RGS9: variants seen among roughly 807,000 people sequenced by gnomAD.
RGS9 encodes the protein regulator of G protein signaling 9.
In RGS9, 78 loss-of-function variants were observed where a neutral mutation model predicts 102.0. The ratio of observed to expected loss-of-function variants is 0.76; its 90% CI spans 0.64 to 0.92. The LOEUF (loss-of-function observed/expected upper bound fraction) is 0.92. Ranked by LOEUF, RGS9 falls within the 40% of genes least tolerant of loss-of-function variation. The pLI is 0.00. For synonymous variants in RGS9, 353 were observed against 318.6 expected, an observed-to-expected ratio of 1.11 and a Z score of -1.15; for missense variants, 833 against 866.1, an observed-to-expected ratio of 0.96 and a Z score of 0.48.
intron 5 of RGS9, 80 bp from the exon 6 acceptor site, chr17:65,160,771 A>G (rs1910952785): frequency 6.7e-7 from 1 of 1,493,468 alleles, no homozygotes; most frequent in African/African-American, 1.4e-5. Context: ...GACTCTGAGC[A>G]CAGCAGCCTC....
At position 65,177,660 on chromosome 17, in the gene RGS9, C is replaced by T. The variant is rs565296562; in HGVS notation, c.583-72C>T. On this transcript the variant is annotated intron_variant, in intron 8 of 18. Transcript: ENST00000262406. ...CTCAATCTCACAATTGGCAGATTAA[C>T]CAAGACCCACAGTTAACCAGAAACT... 3.8e-4 allele frequency: 539 copies of T among 1,436,056 alleles called. 2 individuals are homozygous for T. The African/African-American group carries it at 6.9e-3, about 18-fold the overall frequency. The allele number at this position is 1,436,056 out of a possible 1,614,324, so 89.0% of individuals were successfully genotyped here. A position where few individuals can be genotyped will look rare whatever the true frequency, so the allele number is the denominator to read the frequency against.
chr17:65,169,628 G>A (rs574490024), intron 8 of RGS9, among the ~76,000 whole-genome samples: 9 of 152,280 alleles, frequency 5.9e-5, no homozygotes, highest in African/African-American at 2.2e-4. Context: ...CTCACTGTGC[G>A]AATGCCTATG....
intron 1 of RGS9, among the ~76,000 whole-genome samples, chr17:65,142,713 G>C (rs117161765): frequency 0.037 from 5,609 of 151,816 alleles, 145 homozygotes; most frequent in Non-Finnish European, 0.058. Context: ...CTCCCAAGTA[G>C]CTGGGGATAC....
chr17:65,186,419 G>A (rs1360186950), intron 9 of RGS9, among the ~76,000 whole-genome samples: 1 of 151,948 alleles, frequency 6.6e-6, no homozygotes, highest in African/African-American at 2.4e-5. Flanking sequence ...GTCTCACCAT[G>A]TTGGCCAGGC....
At chr17:65,183,101 T>TATCTATCTATCTATC (rs1479268031) in intron 9 of RGS9, among the ~76,000 whole-genome samples, 2 of 149,198 alleles carry the variant, frequency 1.3e-5, no homozygotes, top group African/African-American at 5.1e-5. Flanking sequence ...TCTATCTATC[T>TATCTATCTATCTATC]ATCTATCTAC....
At chr17:65,161,620 G>A (rs1910985803) in intron 6 of RGS9, among the ~76,000 whole-genome samples, 1 of 152,084 alleles carries the variant, frequency 6.6e-6, no homozygotes, top group South Asian at 2.1e-4. Context: ...GGTGAGTCCA[G>A]TTTCCCAAAG....
chr17:65,141,214 T>TG (rs1265909210), intron 1 of RGS9, among the ~76,000 whole-genome samples: 2 of 152,220 alleles, frequency 1.3e-5, no homozygotes, highest in African/African-American at 4.8e-5. Context: ...ATGGCTTTGC[T>TG]GGGGAATTAG....
chr17:65,182,125 A>G (rs1911908034), intron 9 of RGS9, among the ~76,000 whole-genome samples: 1 of 152,212 alleles, frequency 6.6e-6, no homozygotes, highest in Non-Finnish European at 1.5e-5. Context: ...ACTGGCGAGT[A>G]TACAGATCTT....
intron 8 of RGS9, among the ~76,000 whole-genome samples, chr17:65,169,771 A>T (rs1911340842): frequency 6.6e-6 from 1 of 152,120 alleles, no homozygotes. Context: ...GGCTCTTCAC[A>T]GGATGATGCT....
intron 9 of RGS9, among the ~76,000 whole-genome samples, chr17:65,186,376 C>A (rs186220996): frequency 2.0e-5 from 3 of 151,700 alleles, no homozygotes; most frequent in Non-Finnish European, 4.4e-5. Flanking sequence ...TCACCATGCC[C>A]GGCTAATTTT....
At position 65,137,579 on chromosome 17, in the gene RGS9, G is replaced by A. The variant is rs764992153; in HGVS notation, c.39G>A (p.Arg13=). 1.2e-6 allele frequency: 2 copies of A among 1,613,336 alleles called. No individual in the cohort carries two copies. The highest frequency in any genetic ancestry group is 4.5e-5 in the East Asian group (2 of 44,884). Reference sequence around the variant, plus strand: ...ACCAAGGCCAGCAGTACAGGCCGAGGATGGCATTTCTCCAAAAGGTAACCC... The same window carrying A: ...ACCAAGGCCAGCAGTACAGGCCGAGAATGGCATTTCTCCAAAAGGTAACCC... ...IRHQGQQYRP[R]MAFLQKIEAL... is the part of the protein sequence containing the mutation. Residue 13 remains arginine, a synonymous_variant, in exon 1 of 19, where the codon AGG becomes AGA. Transcript: ENST00000262406.
chr17:65,197,216 G>T lies in RGS9; in HGVS notation c.951G>T (p.Gln317His). Residue 317 changes from glutamine to histidine, a missense_variant, in exon 13 of 19, where the codon CAG becomes CAT. By Grantham distance (24) the Gln-to-His change is conservative. Coordinates refer to ENST00000262406, the MANE Select transcript of RGS9 (RefSeq NM_003835.4). ...IRDPKGRQSFQYFLKKEFSGE... is the reference protein window; with the variant it reads ...IRDPKGRQSFHYFLKKEFSGE... ...ACCCCAAAGGTCGACAGAGCTTCCA[G>T]TACTTCCTCAAGAAAGAATTCAGTG... 1 of 1,612,978 alleles carries T rather than the reference G, an allele frequency of 6.2e-7. No homozygotes were observed. Among genetic ancestry groups the T allele is most frequent in the East Asian group, 2.2e-5 (1 of 44,872 alleles).
chr17:65,176,745 AT>A (rs1911641026), intron 8 of RGS9, among the ~76,000 whole-genome samples: 2 of 147,414 alleles, frequency 1.4e-5, no homozygotes, highest in African/African-American at 2.6e-5. Flanking sequence ...CCATCCATCC[AT>A]CCATCCACCC....
At chr17:65,227,222 C>G in intron 18 of RGS9, 53 bp from the exon 19 acceptor site, 1 of 1,612,816 alleles carries the variant, frequency 6.2e-7, no homozygotes, top group Non-Finnish European at 8.5e-7. Flanking sequence ...TGGGGAGGTG[C>G]AGTCCCTCCT....
At position 65,227,362 on chromosome 17, in the gene RGS9, C is replaced by T. The variant is rs1208101847; in HGVS notation, c.1980C>T (p.Asp660=). The T allele has an allele frequency of 6.2e-7, 1 of 1,614,158 alleles. No individual in the cohort carries two copies. The highest frequency in any genetic ancestry group is 2.2e-5 in the East Asian group (1 of 44,888). Residue 660 remains aspartate, a synonymous_variant, in exon 19 of 19, where the codon GAC becomes GAT. Transcript: ENST00000262406. Reference sequence around the variant, plus strand: ...ATGCTGGAACAGGAGAGTCGGGTGACCGGGCCACAGAAAAGGAGGTCATCT... The same window carrying T: ...ATGCTGGAACAGGAGAGTCGGGTGATCGGGCCACAGAAAAGGAGGTCATCT... ...SEDAGTGESG[D]RATEKEVICP... is the part of the protein sequence containing the mutation.
chr17:65,216,560 C>G (rs902727513), intron 17 of RGS9, among the ~76,000 whole-genome samples: 1 of 152,178 alleles, frequency 6.6e-6, no homozygotes, highest in South Asian at 2.1e-4. Context: ...TCGCTTGAAC[C>G]CGGGAGGCAG....
Position 65,154,570 on chromosome 17 carries a change from AC to A in RGS9, c.154+1054del, listed in dbSNP as rs553486540. On this transcript the variant is annotated intron_variant, in intron 2 of 18. Transcript: ENST00000262406. ...AAAAAGTTGGCCTTTGTTTTGCTCC[AC>A]CGTTTACCTTCTAATTCATTTCAGG... Among the ~76,000 whole-genome samples the A allele has an allele frequency of 5.0e-3, 758 of 152,178 alleles. 5 individuals are homozygous for A. Among genetic ancestry groups the A allele is most frequent in the African/African-American group, 0.017 (720 of 41,520 alleles).
At chr17:65,226,910 C>T (rs777735875) in intron 18 of RGS9, among the ~76,000 whole-genome samples, 2 of 152,180 alleles carry the variant, frequency 1.3e-5, no homozygotes, top group Non-Finnish European at 2.9e-5. Flanking sequence ...CCACAGTGCC[C>T]AGCACCCATG....
intron 18 of RGS9, among the ~76,000 whole-genome samples, chr17:65,226,615 GTGT>G (rs1343755318): frequency 6.9e-6 from 1 of 145,124 alleles, no homozygotes; most frequent in Non-Finnish European, 1.5e-5. Context: ...GTTTGTCTGG[GTGT>G]TTTTTTTTTT....
Sources: gnomAD v4.1 joint callset for allele counts (sites outside exome capture counted in the v4.1 genomes callset) on GRCh38, gnomAD v4.1.1 for gene constraint, MANE v1.5 for transcripts, NCBI Gene and HGNC (gene_info 2026-07-23, HGNC 2026-07-21) for gene names.